The following NCOA1 variants were observed in gnomAD, a reference collection of about 807,000 sequenced individuals.
NCOA1 encodes Hin-2 protein.
In NCOA1, 35 loss-of-function variants were observed where a neutral mutation model predicts 150.9. The observed-to-expected ratio is 0.23, with a 90% CI of 0.18 to 0.31. The LOEUF (loss-of-function observed/expected upper bound fraction) is 0.31. NCOA1 is among the 10% of genes least tolerant of loss of function. The pLI is 1.00. For missense variants in NCOA1, 1,491 were observed against 1,749.3 expected (o/e 0.85, Z 2.63); for synonymous variants, 590 against 630.0 (o/e 0.94, Z 0.95).
intron 9 of NCOA1, 126 bp downstream of exon 9, chr2:24,691,786 C>A: frequency 1.2e-6 from 1 of 862,422 alleles, no homozygotes; most frequent in Non-Finnish European, 1.7e-6. Context: ...ATCATAGTGG[C>A]TATTCCATTT....
intron 4 of NCOA1, among the ~76,000 whole-genome samples, chr2:24,644,739 G>A (rs1670386307): frequency 6.6e-6 from 1 of 152,058 alleles, no homozygotes; most frequent in Non-Finnish European, 1.5e-5. Context: ...AAATCAGTAA[G>A]GGAAAACTTC....
chr2:24,606,611 T>C (rs991052294), intron 3 of NCOA1, among the ~76,000 whole-genome samples: 1 of 152,178 alleles, frequency 6.6e-6, no homozygotes, highest in African/African-American at 2.4e-5. Flanking sequence ...ATATTAATCT[T>C]TTGTTCATCA....
At chr2:24,524,461 C>G (rs1664568217) in intron 1 of NCOA1, among the ~76,000 whole-genome samples, 1 of 151,220 alleles carries the variant, frequency 6.6e-6, no homozygotes, top group Non-Finnish European at 1.5e-5. Context: ...GCCTGGCTGC[C>G]TTTTAAATTA....
intron 4 of NCOA1, among the ~76,000 whole-genome samples, chr2:24,646,777 G>T (rs913467929): frequency 2.0e-5 from 3 of 150,004 alleles, no homozygotes; most frequent in African/African-American, 7.4e-5. Context: ...GATAAAGTCT[G>T]TTGGAACAAA....
At chr2:24,533,489 T>C (rs1038184492) in intron 1 of NCOA1, among the ~76,000 whole-genome samples, 7 of 152,188 alleles carry the variant, frequency 4.6e-5, no homozygotes, top group African/African-American at 1.4e-4. Context: ...CTATGTAGAA[T>C]AGGAATGGTG....
chr2:24,571,478 C>T (rs1474409677), intron 2 of NCOA1, among the ~76,000 whole-genome samples: 1 of 152,144 alleles, frequency 6.6e-6, no homozygotes, highest in African/African-American at 2.4e-5. Context: ...TAGATCCTCA[C>T]AAGAATGCCT....
intron 1 of NCOA1, among the ~76,000 whole-genome samples, chr2:24,551,384 A>G (rs1665823138): frequency 6.6e-6 from 1 of 152,132 alleles, no homozygotes; most frequent in South Asian, 2.1e-4. Flanking sequence ...TTGTTTTGCA[A>G]ATATTTTCTC....
At chr2:24,765,371 C>A (rs1312226175) in intron 22 of NCOA1, among the ~76,000 whole-genome samples, 1 of 151,826 alleles carries the variant, frequency 6.6e-6, no homozygotes, top group East Asian at 1.9e-4. Context: ...TGGTGGCGGG[C>A]GCCTGTAGTC....
intron 1 of NCOA1, among the ~76,000 whole-genome samples, chr2:24,561,449 T>C (rs531013645): frequency 4.6e-5 from 7 of 152,304 alleles, no homozygotes; most frequent in African/African-American, 1.4e-4. Context: ...AAAAATTGGA[T>C]GTGAGATGCT....
intron 3 of NCOA1, among the ~76,000 whole-genome samples, chr2:24,643,722 G>A (rs1278766506): frequency 6.6e-6 from 1 of 152,082 alleles, no homozygotes; most frequent in Non-Finnish European, 1.5e-5. Flanking sequence ...GAAGTTTACA[G>A]ATAGATGCAA....
At chr2:24,574,624 A>G (rs1459014026) in intron 2 of NCOA1, among the ~76,000 whole-genome samples, 1 of 151,680 alleles carries the variant, frequency 6.6e-6, no homozygotes, top group Non-Finnish European at 1.5e-5. Flanking sequence ...CTTTGTGTAG[A>G]TCAAAATTTG....
intron 4 of NCOA1, among the ~76,000 whole-genome samples, chr2:24,644,907 T>C (rs1436485817): frequency 6.6e-6 from 1 of 152,154 alleles, no homozygotes. Context: ...ACCCCAGAAA[T>C]CCTCTTCATC....
chr2:24,688,562 T>C lies in NCOA1; in HGVS notation c.533-2919T>C, dbSNP rs189190351. On this transcript the variant is annotated intron_variant, in intron 8 of 22. Coordinates refer to ENST00000348332, the MANE Select transcript of NCOA1 (RefSeq NM_003743.5). ...CATATGTGTGTCTTCTTTTGAAAAGTGTCTGTTGATGTCCTTTGCCCACTT... is the reference window on the plus strand; with the variant it reads ...CATATGTGTGTCTTCTTTTGAAAAGCGTCTGTTGATGTCCTTTGCCCACTT... Among the ~76,000 whole-genome samples the C allele has an allele frequency of 5.3e-5, 8 of 152,324 alleles. No individual in the cohort carries two copies. The East Asian group carries it at 1.3e-3, about 26-fold the overall frequency.
Position 24,706,733 on chromosome 2 carries a change from G to A in NCOA1, c.1263G>A (p.Gln421=). The part of the protein sequence containing the change: ...SNMVSTRINR[Q]QSSDLHSSSH... ...TGGTATCCACCAGAATAAACCGCCA[G>A]CAGAGCTCAGACCTTCATAGCAGCA... Residue 421 remains glutamine (Q), a synonymous_variant, in exon 13 of 23, where the codon CAG becomes CAA. Coordinates refer to ENST00000348332, the MANE Select transcript of NCOA1 (RefSeq NM_003743.5). 2 of 1,614,166 alleles carry A rather than the reference G, an allele frequency of 1.2e-6. No individual in the cohort carries two copies. Among genetic ancestry groups the A allele is most frequent in the Non-Finnish European group, 8.5e-7 (1 of 1,180,028 alleles).
intron 6 of NCOA1, among the ~76,000 whole-genome samples, chr2:24,668,900 G>A (rs190512482): frequency 9.9e-5 from 15 of 151,894 alleles, no homozygotes; most frequent in Non-Finnish European, 2.1e-4. Flanking sequence ...TAAACTATAC[G>A]TAAGATCTGA....
chr2:24,709,638 G>A (rs1393676628), intron 13 of NCOA1, among the ~76,000 whole-genome samples: 3 of 152,182 alleles, frequency 2.0e-5, no homozygotes, highest in Admixed American at 6.5e-5. Flanking sequence ...TTGATGAGGT[G>A]AAGTTCTTCA....
intron 4 of NCOA1, among the ~76,000 whole-genome samples, chr2:24,654,196 T>C (rs1258009789): frequency 6.6e-6 from 1 of 152,134 alleles, no homozygotes; most frequent in Non-Finnish European, 1.5e-5. Flanking sequence ...ACCATGTTGG[T>C]CTTTTGACTT....
At chr2:24,732,362 T>C (rs910439746) in intron 17 of NCOA1, among the ~76,000 whole-genome samples, 1 of 152,202 alleles carries the variant, frequency 6.6e-6, no homozygotes, top group Admixed American at 6.5e-5. Flanking sequence ...ATAAGCCCCA[T>C]GTATGTCTAT....
intron 14 of NCOA1, among the ~76,000 whole-genome samples, chr2:24,722,478 TA>T (rs1289444294): frequency 1.3e-5 from 2 of 152,186 alleles, no homozygotes; most frequent in African/African-American, 4.8e-5. Flanking sequence ...TACGTTGATC[TA>T]AAAAGAATAA....
Sources: allele counts gnomAD v4.1 joint callset (sites outside exome capture counted in the v4.1 genomes callset), GRCh38; gene constraint gnomAD v4.1.1; transcripts MANE v1.5; gene names NCBI Gene and HGNC (gene_info 2026-07-23, HGNC 2026-07-21).